The following HS3ST4 variants were observed in gnomAD, a reference collection of about 807,000 sequenced individuals.
HS3ST4 encodes the protein heparan sulfate glucosamine 3-O-sulfotransferase 4.
Under a neutral mutation model 29.2 loss-of-function variants are expected in HS3ST4, and 17 were observed. The ratio of observed to expected loss-of-function variants is 0.58; its 90% CI spans 0.40 to 0.87. HS3ST4 has a LOEUF of 0.87. Ranked by LOEUF, HS3ST4 falls within the 40% of genes least tolerant of loss-of-function variation. The pLI is 0.00. For synonymous variants in HS3ST4, 314 were observed against 285.7 expected (o/e 1.10, Z -1.00); for missense variants, 627 against 634.5 (o/e 0.99, Z 0.13).
intron 1 of HS3ST4, among the ~76,000 whole-genome samples, chr16:25,857,122 TAGGAGTTGCTCACTCTCATGTTAGTCC>T (rs1967580622): frequency 2.0e-5 from 3 of 152,306 alleles, no homozygotes; most frequent in Admixed American, 6.5e-5. Context: ...CTGGGGGCCT[TAGGAGTTGCTCACTCTCATGTTAGTCC>T]ACAGTAGTTC....
intron 1 of HS3ST4, among the ~76,000 whole-genome samples, chr16:25,811,437 T>TTTTTTTTTTTTTC (rs1967041087): frequency 4.1e-3 from 1 of 246 alleles, no homozygotes; most frequent in Admixed American, 0.033. Flanking sequence ...TTTTTTTTTC[T>TTTTTTTTTTTTTC]TTTTTTTTTT....
chr16:25,800,044 TCCTTCCTTCTTG>T (rs1966916933), intron 1 of HS3ST4, among the ~76,000 whole-genome samples: 1 of 151,168 alleles, frequency 6.6e-6, no homozygotes, highest in Non-Finnish European at 1.5e-5. Flanking sequence ...CTTCCTTCCT[TCCTTCCTTCTTG>T]CCTTCCTGCC....
intron 1 of HS3ST4, among the ~76,000 whole-genome samples, chr16:25,935,112 A>G (rs1280693646): frequency 6.6e-6 from 1 of 152,084 alleles, no homozygotes; most frequent in Non-Finnish European, 1.5e-5. Context: ...AGAAGGTCCA[A>G]TCACCTTCCA....
chr16:25,793,701 A>G (rs1183917027), intron 1 of HS3ST4, among the ~76,000 whole-genome samples: 1 of 152,016 alleles, frequency 6.6e-6, no homozygotes, highest in Non-Finnish European at 1.5e-5. Context: ...CAAGATCAGC[A>G]TATAGTTTTA....
intron 1 of HS3ST4, among the ~76,000 whole-genome samples, chr16:25,800,429 A>G (rs931189975): frequency 1.6e-4 from 22 of 134,638 alleles, no homozygotes; most frequent in African/African-American, 5.8e-4. Flanking sequence ...CCTTCCCCCT[A>G]CTTTCTCTCC....
chr16:25,722,448 T>G (rs539409207), intron 1 of HS3ST4, among the ~76,000 whole-genome samples: 16 of 152,358 alleles, frequency 1.1e-4, no homozygotes, highest in African/African-American at 3.6e-4. Flanking sequence ...TCCTTTTCTT[T>G]TGTTTGATTT....
At chr16:25,793,640 G>A (rs1966875277) in intron 1 of HS3ST4, among the ~76,000 whole-genome samples, 2 of 151,826 alleles carry the variant, frequency 1.3e-5, no homozygotes, top group South Asian at 4.1e-4. Context: ...AGCTTTCCCA[G>A]TCCCTTACTG....
intron 1 of HS3ST4, among the ~76,000 whole-genome samples, chr16:26,111,247 TA>T (rs35622983): frequency 5.0e-4 from 75 of 150,738 alleles, no homozygotes; most frequent in African/African-American, 1.6e-3. Context: ...TCTGGCTAAT[TA>T]AAAAAAAATG....
intron 1 of HS3ST4, among the ~76,000 whole-genome samples, chr16:25,954,401 C>T (rs895072949): frequency 7.2e-5 from 11 of 152,086 alleles, no homozygotes; most frequent in Non-Finnish European, 1.0e-4. Context: ...AGAGACAGAA[C>T]GGTTTCTAGC....
chr16:25,920,703 A>G (rs1393571364), intron 1 of HS3ST4, among the ~76,000 whole-genome samples: 3 of 151,380 alleles, frequency 2.0e-5, no homozygotes, highest in African/African-American at 4.9e-5. Flanking sequence ...TCTAAGCTCA[A>G]TGGATCCTCC....
intron 1 of HS3ST4, among the ~76,000 whole-genome samples, chr16:25,854,192 G>A (rs1422458919): frequency 6.6e-6 from 1 of 152,002 alleles, no homozygotes; most frequent in Non-Finnish European, 1.5e-5. Context: ...CACTGCAGTG[G>A]CATAATGATA....
intron 1 of HS3ST4, among the ~76,000 whole-genome samples, chr16:25,899,469 G>C (rs1477504531): frequency 6.6e-6 from 1 of 151,976 alleles, no homozygotes; most frequent in Non-Finnish European, 1.5e-5. Flanking sequence ...CCAGTGCAAT[G>C]TCAGGACAGG....
chr16:25,891,234 T>C (rs924858992), intron 1 of HS3ST4, among the ~76,000 whole-genome samples: 8 of 152,160 alleles, frequency 5.3e-5, no homozygotes. Context: ...AGACTGGGTA[T>C]ATATAAGGTT....
In HS3ST4 at chr16:25,985,613, C is replaced by G. The variant is rs116465222; in HGVS notation, c.735-149999C>G. Among the ~76,000 whole-genome samples, 181 of 152,010 alleles carry G rather than the reference C, an allele frequency of 1.2e-3. 1 individual carries two copies. Among genetic ancestry groups the G allele is most frequent in the African/African-American group, 3.9e-3 (162 of 41,472 alleles). On this transcript the variant is annotated intron_variant, in intron 1 of 1. Coordinates refer to ENST00000331351, the MANE Select transcript of HS3ST4 (RefSeq NM_006040.3). ...TGTGTCCACTTATTTCTCCTCCCCC[C>G]CTTTAAAAATTTACTACTTATTTTA...
chr16:25,707,617 A>G (rs1966384511), intron 1 of HS3ST4, among the ~76,000 whole-genome samples: 1 of 152,194 alleles, frequency 6.6e-6, no homozygotes, highest in Non-Finnish European at 1.5e-5. Flanking sequence ...GGAAGAGGCT[A>G]CAAGCCAATG....
chr16:25,943,877 T>C (rs947863560), intron 1 of HS3ST4, among the ~76,000 whole-genome samples: 45 of 152,168 alleles, frequency 3.0e-4, no homozygotes, highest in African/African-American at 1.1e-3. Context: ...TTTATCCTTA[T>C]CTGCTTGGCA....
At chr16:25,744,058 T>C (rs1397589721) in intron 1 of HS3ST4, among the ~76,000 whole-genome samples, 1 of 152,212 alleles carries the variant, frequency 6.6e-6, no homozygotes, top group Non-Finnish European at 1.5e-5. Context: ...AGCATTCTTC[T>C]TCAAATGAAG....
intron 1 of HS3ST4, among the ~76,000 whole-genome samples, chr16:26,064,765 G>C (rs544466548): frequency 1.3e-5 from 2 of 152,046 alleles, no homozygotes; most frequent in African/African-American, 2.4e-5. Flanking sequence ...TCACAGGCAT[G>C]TGCCATCACA....
intron 1 of HS3ST4, among the ~76,000 whole-genome samples, chr16:26,128,751 G>T (rs1178346897): frequency 1.3e-5 from 2 of 152,198 alleles, no homozygotes; most frequent in Non-Finnish European, 2.9e-5. Flanking sequence ...TCAGTGAATT[G>T]TATGGTACTT....
Sources: gnomAD v4.1 joint callset for allele counts (sites outside exome capture counted in the v4.1 genomes callset) on GRCh38, gnomAD v4.1.1 for gene constraint, MANE v1.5 for transcripts, NCBI Gene and HGNC (gene_info 2026-07-23, HGNC 2026-07-21) for gene names.